CYP39A1: variants seen among roughly 807,000 people sequenced by gnomAD.
CYP39A1 encodes the protein cytochrome P450 family 39 subfamily A member 1.
In CYP39A1, 49 loss-of-function variants were observed where a neutral mutation model predicts 58.1. The ratio of observed to expected loss-of-function variants is 0.84; its 90% CI spans 0.67 to 1.07. The LOEUF is 1.07. CYP39A1 is among the 50% of genes least tolerant of loss of function. The probability of loss-of-function intolerance (pLI) is 0.00; values close to 1 mark genes in which losing one functional copy is unlikely to be tolerated. For synonymous variants in CYP39A1, 209 were observed against 187.6 expected, an observed-to-expected ratio of 1.11 and a Z score of -0.93; for missense variants, 531 against 539.4, an observed-to-expected ratio of 0.98 and a Z score of 0.16.
chr6:46,601,590 C>T (rs949203037), intron 7 of CYP39A1, among the ~76,000 whole-genome samples: 4 of 152,098 alleles, frequency 2.6e-5, no homozygotes, highest in African/African-American at 9.7e-5. Flanking sequence ...CACAAGGTTG[C>T]TGTCAGGATT....
intron 4 of CYP39A1, among the ~76,000 whole-genome samples, chr6:46,637,013 T>C (rs1329500426): frequency 6.6e-6 from 1 of 152,182 alleles, no homozygotes; most frequent in East Asian, 1.9e-4. Context: ...ATGGTAGCTA[T>C]GTTCTGAGGC....
At chr6:46,583,550 G>T in intron 10 of CYP39A1, 1 of 985,334 alleles carries the variant, frequency 1.0e-6, no homozygotes, top group Non-Finnish European at 1.2e-6. Context: ...AAGAAGTCTG[G>T]TGGTTCATGC....
chr6:46,602,934 A>G (rs868057754), intron 7 of CYP39A1, among the ~76,000 whole-genome samples: 1,338 of 79,738 alleles, frequency 0.017, 5 homozygotes, highest in Middle Eastern at 0.032. Context: ...GGGGGGGGGG[A>G]GCTTTATTTC....
intron 10 of CYP39A1, chr6:46,586,367 G>T: frequency 1.0e-6 from 1 of 984,358 alleles, no homozygotes; most frequent in Non-Finnish European, 1.2e-6. Context: ...CATCCCCAAT[G>T]AAGAAATGTG....
intron 7 of CYP39A1, among the ~76,000 whole-genome samples, chr6:46,616,990 G>A (rs1424170812): frequency 1.3e-5 from 2 of 152,034 alleles, no homozygotes; most frequent in African/African-American, 4.8e-5. Flanking sequence ...AGGTAATTAG[G>A]GGGGTTGGGA....
intron 8 of CYP39A1, among the ~76,000 whole-genome samples, chr6:46,590,895 A>G (rs1772792424): frequency 6.6e-6 from 1 of 152,078 alleles, no homozygotes; most frequent in Non-Finnish European, 1.5e-5. Context: ...TTAATCTTCC[A>G]TTGGGTACAT....
chr6:46,626,285 C>T (rs1480116371), intron 6 of CYP39A1, among the ~76,000 whole-genome samples: 13 of 152,104 alleles, frequency 8.5e-5, no homozygotes, highest in East Asian at 1.9e-4. Flanking sequence ...TCTTAGGTTA[C>T]GTAATAAAGA....
chr6:46,551,001 G>A (rs150691414), intron 11 of CYP39A1, among the ~76,000 whole-genome samples: 27 of 152,246 alleles, frequency 1.8e-4, no homozygotes, highest in East Asian at 1.5e-3. Context: ...ATGAAACTGT[G>A]TAGGGTCAAG....
intron 10 of CYP39A1, among the ~76,000 whole-genome samples, chr6:46,559,979 C>A (rs1770888078): frequency 6.6e-6 from 1 of 152,026 alleles, no homozygotes. Context: ...AGCTTAAATT[C>A]TAGTAGAATG....
At chr6:46,645,346 T>C (rs952884) in intron 1 of CYP39A1, among the ~76,000 whole-genome samples, 73,879 of 151,970 alleles carry the variant, frequency 0.49, 19,464 homozygotes, top group South Asian at 0.74. Context: ...ATTCATGTTT[T>C]GTGTGTGTTG....
chr6:46,629,666 C>T (rs930405684), intron 6 of CYP39A1, among the ~76,000 whole-genome samples: 99 of 152,124 alleles, frequency 6.5e-4, no homozygotes, highest in African/African-American at 2.3e-3. Flanking sequence ...AAAAGTAAGG[C>T]TAAATAAATA....
intron 10 of CYP39A1, among the ~76,000 whole-genome samples, chr6:46,564,352 C>T (rs1470158245): frequency 6.6e-6 from 1 of 151,722 alleles, no homozygotes; most frequent in Non-Finnish European, 1.5e-5. Context: ...CACCATTACA[C>T]CCAAGTAATT....
In CYP39A1 at chr6:46,637,914, T is replaced by C; in HGVS notation, c.553A>G (p.Lys185Glu). 1.2e-6 allele frequency: 2 copies of C among 1,613,366 alleles called. No homozygotes were observed. Among genetic ancestry groups the C allele is most frequent in the Non-Finnish European group, 8.5e-7 (1 of 1,179,818 alleles). Residue 185 changes from lysine (K) to glutamate (E), a missense_variant, in exon 4 of 12, where the codon AAA (lysine) becomes GAA (glutamate). Lys to Glu is a moderately conservative substitution (Grantham distance 56). Transcript: ENST00000275016. The stretch of plus-strand genomic sequence containing the variant: ...TACTGATGGAACTCCTTGATTTTTT[T>C]CTTGTTTGTGGAAAACAAACTTTTA... ...FNKSLFSTNK[K>E]KIKEFHQYFQ...
chr6:46,652,324 C>T, intron 1 of CYP39A1, 82 bp downstream of exon 1: 1 of 1,374,330 alleles, frequency 7.3e-7, no homozygotes, highest in Non-Finnish European at 9.9e-7. Context: ...TGTTCTAGCC[C>T]TGCACTTAAG....
At chr6:46,609,475 A>C (rs72868065) in intron 7 of CYP39A1, among the ~76,000 whole-genome samples, 3,090 of 152,260 alleles carry the variant, frequency 0.02, 51 homozygotes, top group Non-Finnish European at 0.033. Flanking sequence ...TAGACAGTAA[A>C]TGTGATTTTC....
intron 2 of CYP39A1, among the ~76,000 whole-genome samples, chr6:46,641,791 G>A (rs1776353304): frequency 6.6e-6 from 1 of 152,194 alleles, no homozygotes; most frequent in African/African-American, 2.4e-5. Flanking sequence ...CAGGGACTGA[G>A]TAACATGTAA....
At chr6:46,551,921 G>T (rs1348780622) in intron 11 of CYP39A1, among the ~76,000 whole-genome samples, 1 of 152,084 alleles carries the variant, frequency 6.6e-6, no homozygotes, top group East Asian at 1.9e-4. Flanking sequence ...GAGATAAAAT[G>T]CTCTTTGAGA....
intron 7 of CYP39A1, among the ~76,000 whole-genome samples, chr6:46,610,890 A>C (rs901555817): frequency 6.6e-6 from 1 of 152,174 alleles, no homozygotes; most frequent in Non-Finnish European, 1.5e-5. Flanking sequence ...CCCCAGTCTG[A>C]TTTCTTTATG....
At chr6:46,616,255 C>T (rs1223655723) in intron 7 of CYP39A1, among the ~76,000 whole-genome samples, 4 of 88,820 alleles carry the variant, frequency 4.5e-5, no homozygotes, top group Admixed American at 2.7e-4. Flanking sequence ...TTCCTTCCTT[C>T]CTTTCTTCCT....
Sources: gnomAD v4.1 joint callset for allele counts (sites outside exome capture counted in the v4.1 genomes callset) on GRCh38, gnomAD v4.1.1 for gene constraint, MANE v1.5 for transcripts, NCBI Gene and HGNC (gene_info 2026-07-23, HGNC 2026-07-21) for gene names.